SEMA5A: variants seen among roughly 807,000 people sequenced by gnomAD.
SEMA5A encodes the protein semaphorin 5A.
A neutral mutation model predicts 135.5 loss-of-function variants in SEMA5A; 55 were observed. The ratio of observed to expected loss-of-function variants is 0.41; its 90% CI spans 0.33 to 0.51. The LOEUF is 0.51. SEMA5A is among the 20% of genes least tolerant of loss of function. The pLI is 0.37. For synonymous variants in SEMA5A, 580 were observed against 546.5 expected, an observed-to-expected ratio of 1.06 and a Z score of -0.85; for missense variants, 1,290 against 1,419.9, an observed-to-expected ratio of 0.91 and a Z score of 1.47.
At chr5:9,452,611 T>A (rs935642029) in intron 1 of SEMA5A, among the ~76,000 whole-genome samples, 9 of 152,200 alleles carry the variant, frequency 5.9e-5, no homozygotes, top group African/African-American at 1.9e-4. Context: ...CAAATACAGC[T>A]GCATTTTTTA....
At position 9,111,816 on chromosome 5, in the gene SEMA5A, A is replaced by G. The variant is rs193199512; in HGVS notation, c.1926-3529T>C. 5.7e-4 allele frequency among the ~76,000 whole-genome samples: 87 copies of G among 152,320 alleles called. 1 individual carries two copies. The East Asian group carries it at 0.01, about 18-fold the overall frequency. On this transcript the variant is annotated intron_variant, in intron 15 of 22. Transcript: ENST00000382496. ...AGTATGGATCCTACACAATTGTGAG[A>G]AAGTGTTTTCCTCTGACCCTCTCCC...
intron 1 of SEMA5A, among the ~76,000 whole-genome samples, chr5:9,489,192 G>T (rs951200016): frequency 2.6e-5 from 4 of 152,060 alleles, no homozygotes; most frequent in African/African-American, 9.7e-5. Flanking sequence ...AAACAGAATT[G>T]AGCTAACAAT....
intron 11 of SEMA5A, among the ~76,000 whole-genome samples, chr5:9,181,661 T>C (rs971607580): frequency 5.9e-5 from 9 of 152,062 alleles, no homozygotes; most frequent in East Asian, 3.9e-4. Flanking sequence ...TCTTGGAAGA[T>C]TGGGGATGGG....
chr5:9,078,890 A>G (rs1738216946), intron 16 of SEMA5A, among the ~76,000 whole-genome samples: 1 of 152,186 alleles, frequency 6.6e-6, no homozygotes, highest in Non-Finnish European at 1.5e-5. Context: ...GGCCACTAAT[A>G]GTAAATAGTT....
intron 1 of SEMA5A, among the ~76,000 whole-genome samples, chr5:9,507,443 G>A (rs1439202447): frequency 6.6e-6 from 1 of 152,118 alleles, no homozygotes; most frequent in Non-Finnish European, 1.5e-5. Flanking sequence ...GGAATAAATT[G>A]ACTCTCTTGT....
intron 5 of SEMA5A, among the ~76,000 whole-genome samples, chr5:9,282,350 G>T (rs1383196720): frequency 6.6e-6 from 1 of 152,222 alleles, no homozygotes; most frequent in African/African-American, 2.4e-5. Flanking sequence ...GATTCAAGCG[G>T]TGAGTCCTGT....
chr5:9,146,435 C>A (rs1304030099), intron 12 of SEMA5A, among the ~76,000 whole-genome samples: 1 of 152,058 alleles, frequency 6.6e-6, no homozygotes, highest in East Asian at 1.9e-4. Context: ...AGAGAACAAT[C>A]GTTGAAAGGA....
intron 1 of SEMA5A, among the ~76,000 whole-genome samples, chr5:9,478,754 ACTTCC>A (rs1355664871): frequency 5.9e-5 from 9 of 152,180 alleles, no homozygotes; most frequent in African/African-American, 2.2e-4. Context: ...GGTGGAAGAG[ACTTCC>A]CTTGTCTCAA....
At chr5:9,152,102 C>G (rs1194174981) in intron 12 of SEMA5A, among the ~76,000 whole-genome samples, 1 of 152,224 alleles carries the variant, frequency 6.6e-6, no homozygotes, top group African/African-American at 2.4e-5. Context: ...ATGACCCAGA[C>G]TCAAGGAAGG....
rs183203515 is a variant in SEMA5A, at chr5:9,527,921, G to A, written c.-175+17663C>T. 9.4e-4 allele frequency among the ~76,000 whole-genome samples: 143 copies of A among 152,224 alleles called. 1 individual carries two copies. The highest frequency in any genetic ancestry group is 3.3e-3 in the Admixed American group (51 of 15,292). ...ACAGTGAAAAGGCCTAGAAGATCTT[G>A]ATATTTAAAGACATCCTGCAACTAA... is the stretch of plus-strand genomic sequence containing the variant. On this transcript the variant is annotated intron_variant, in intron 1 of 22. Coordinates refer to ENST00000382496, the MANE Select transcript of SEMA5A (RefSeq NM_003966.3).
chr5:9,082,544 C>T (rs571915420), intron 16 of SEMA5A, among the ~76,000 whole-genome samples: 60 of 152,304 alleles, frequency 3.9e-4, no homozygotes, highest in African/African-American at 1.4e-3. Flanking sequence ...GGAGAGCCCA[C>T]CAAGGTCTGC....
intron 5 of SEMA5A, among the ~76,000 whole-genome samples, chr5:9,286,606 C>A (rs6874451): frequency 0.7 from 106,143 of 151,946 alleles, 37,890 homozygotes; most frequent in South Asian, 0.82. Flanking sequence ...CTGACCAGGG[C>A]TGGACAGTTA....
chr5:9,246,967 T>A (rs1748513502), intron 5 of SEMA5A, among the ~76,000 whole-genome samples: 1 of 152,176 alleles, frequency 6.6e-6, no homozygotes, highest in Non-Finnish European at 1.5e-5. Flanking sequence ...AATTTCACAG[T>A]TATATGCCAA....
chr5:9,409,982 T>A (rs1473793606), intron 2 of SEMA5A, among the ~76,000 whole-genome samples: 3 of 149,224 alleles, frequency 2.0e-5, no homozygotes, highest in Middle Eastern at 3.4e-3. Flanking sequence ...TGATAAAAAA[T>A]TTTATGTATC....
chr5:9,356,492 A>G (rs1421396222), intron 3 of SEMA5A, among the ~76,000 whole-genome samples: 1 of 152,184 alleles, frequency 6.6e-6, no homozygotes, highest in Admixed American at 6.5e-5. Context: ...ACCAGAAAAA[A>G]AAGAAAAGGC....
intron 18 of SEMA5A, among the ~76,000 whole-genome samples, chr5:9,060,685 C>T (rs1737136450): frequency 6.6e-6 from 1 of 151,976 alleles, no homozygotes; most frequent in African/African-American, 2.4e-5. Context: ...CAGAGACACC[C>T]TAGGAGGAGC....
At chr5:9,076,407 T>C (rs1437493877) in intron 16 of SEMA5A, among the ~76,000 whole-genome samples, 3 of 151,598 alleles carry the variant, frequency 2.0e-5, no homozygotes, top group Non-Finnish European at 2.9e-5. Context: ...GAAAGGTAAG[T>C]GGAAGAAAGA....
intron 18 of SEMA5A, among the ~76,000 whole-genome samples, chr5:9,056,085 C>T (rs1182424619): frequency 6.6e-6 from 1 of 152,134 alleles, no homozygotes; most frequent in Admixed American, 6.5e-5. Context: ...CACAAGGCAG[C>T]TCAGGGCTCA....
At chr5:9,119,248 G>C in intron 14 of SEMA5A, 107 bp from the exon 15 acceptor site, 1 of 1,359,052 alleles carries the variant, frequency 7.4e-7, no homozygotes, top group Admixed American at 2.2e-5. Context: ...ATCACGCTTG[G>C]GGCTGCTCAG....
Sources: gnomAD v4.1 joint callset for allele counts (sites outside exome capture counted in the v4.1 genomes callset) on GRCh38, gnomAD v4.1.1 for gene constraint, MANE v1.5 for transcripts, NCBI Gene and HGNC (gene_info 2026-07-23, HGNC 2026-07-21) for gene names.